MERTK: variants seen among roughly 807,000 people sequenced by gnomAD.
MERTK encodes MER proto-oncogene, tyrosine kinase.
A neutral mutation model predicts 99.3 loss-of-function variants in MERTK; 69 were observed. The ratio of observed to expected loss-of-function variants is 0.70; its 90% CI spans 0.57 to 0.85. The LOEUF is 0.85. Ranked by LOEUF, MERTK falls within the 40% of genes least tolerant of loss-of-function variation. The probability of loss-of-function intolerance (pLI) is 0.00; values close to 1 mark genes in which losing one functional copy is unlikely to be tolerated. For synonymous variants in MERTK, 426 were observed against 467.6 expected (o/e 0.91, Z 1.15); for missense variants, 1,125 against 1,249.4 (o/e 0.90, Z 1.50).
intron 6 of MERTK, 131 bp from the exon 7 acceptor site, chr2:111,975,158 G>GTT: frequency 1.2e-6 from 1 of 855,636 alleles, no homozygotes; most frequent in African/African-American, 1.6e-5. Flanking sequence ...ATGTGTGTGT[G>GTT]CCCAGAAAGG....
intron 8 of MERTK, 22 bp from the exon 9 acceptor site, chr2:111,994,229 C>T: frequency 1.2e-6 from 2 of 1,613,108 alleles, no homozygotes; most frequent in Non-Finnish European, 1.7e-6. Context: ...TTTTCATTTC[C>T]TCTCTTCCTC....
chr2:111,912,971 T>C (rs2104668355), intron 1 of MERTK: 1 of 930,424 alleles, frequency 1.1e-6, no homozygotes, highest in Non-Finnish European at 1.3e-6. Context: ...AGGATCCTCA[T>C]CTATGAACTG....
At chr2:111,968,357 T>C in intron 6 of MERTK, 105 bp downstream of exon 6, 1 of 879,314 alleles carries the variant, frequency 1.1e-6, no homozygotes, top group South Asian at 1.4e-5. Context: ...TCTCCATCTC[T>C]GTACAGAGTC....
At chr2:111,981,509 G>T (rs553401696) in intron 7 of MERTK, among the ~76,000 whole-genome samples, 63 of 152,102 alleles carry the variant, frequency 4.1e-4, no homozygotes, top group Admixed American at 7.2e-4. Context: ...CCATCTCCCA[G>T]ATTATATCAT....
At chr2:111,916,902 G>T (rs1050742576) in intron 1 of MERTK, among the ~76,000 whole-genome samples, 4 of 152,136 alleles carry the variant, frequency 2.6e-5, no homozygotes, top group African/African-American at 9.7e-5. Flanking sequence ...TCCTCACTCA[G>T]CCTCCATTGA....
At chr2:111,940,048 A>G (rs113088799) in intron 2 of MERTK, among the ~76,000 whole-genome samples, 2 of 151,438 alleles carry the variant, frequency 1.3e-5, no homozygotes, top group Admixed American at 6.6e-5. Flanking sequence ...AGGATCCTCT[A>G]TGCCTCCTGT....
chr2:111,972,245 G>GACATTTATATAC (rs1676137823), intron 6 of MERTK, among the ~76,000 whole-genome samples: 1 of 152,198 alleles, frequency 6.6e-6, no homozygotes, highest in African/African-American at 2.4e-5. Flanking sequence ...CACCCAGGCT[G>GACATTTATATAC]AGGTAGACAT....
intron 7 of MERTK, among the ~76,000 whole-genome samples, chr2:111,975,939 C>T (rs1448683405): frequency 6.6e-6 from 1 of 152,150 alleles, no homozygotes; most frequent in Non-Finnish European, 1.5e-5. Context: ...ATCCCCAGGC[C>T]TCCCCTCCCT....
chr2:112,027,776 C>G lies in MERTK; in HGVS notation c.2487-575C>G, dbSNP rs1677499490. 2.0e-5 allele frequency among the ~76,000 whole-genome samples: 3 copies of G among 152,342 alleles called. No individual in the cohort carries two copies. In the South Asian group the frequency reaches 6.2e-4, roughly 32 times the overall value. The stretch of plus-strand genomic sequence containing the variant: ...ACACAACTACCCCCTGCCCTCACCC[C>G]TGCTCCTGATCTTCTTAGCCCTAGC... On this transcript the variant is annotated intron_variant, in intron 18 of 18. Transcript: ENST00000295408.
At chr2:111,944,534 G>GGAATTATT (rs1573589856) in intron 2 of MERTK, among the ~76,000 whole-genome samples, 1 of 23,604 alleles carries the variant, frequency 4.2e-5, no homozygotes, top group African/African-American at 1.6e-4. Context: ...TAAGGAATTA[G>GGAATTATT]CTCACACACA....
intron 8 of MERTK, among the ~76,000 whole-genome samples, chr2:111,993,130 T>C (rs1440839757): frequency 1.1e-5 from 1 of 92,164 alleles, no homozygotes. Flanking sequence ...CCTTCTGTGT[T>C]GACTATTGTG....
intron 1 of MERTK, among the ~76,000 whole-genome samples, chr2:111,922,567 C>T (rs1366150153): frequency 6.6e-6 from 1 of 152,192 alleles, no homozygotes; most frequent in Non-Finnish European, 1.5e-5. Context: ...TTAGAAATTC[C>T]TACTTTAGGT....
At chr2:111,991,605 A>C (rs1676617873) in intron 8 of MERTK, among the ~76,000 whole-genome samples, 1 of 152,156 alleles carries the variant, frequency 6.6e-6, no homozygotes, top group South Asian at 2.1e-4. Flanking sequence ...TTAATTAACA[A>C]AAAAAAGTCT....
At chr2:112,003,240 T>C in intron 12 of MERTK, 53 bp downstream of exon 12, 1 of 850,176 alleles carries the variant, frequency 1.2e-6, no homozygotes, top group East Asian at 2.5e-5. Flanking sequence ...GGTAGCAGTT[T>C]AGAATAATTC....
At chr2:111,976,276 A>C (rs1405301920) in intron 7 of MERTK, among the ~76,000 whole-genome samples, 3 of 152,284 alleles carry the variant, frequency 2.0e-5, no homozygotes, top group East Asian at 1.9e-4. Flanking sequence ...TGGAAGCTTC[A>C]TGATGTCAGC....
chr2:112,001,758 T>A (rs1676875813), intron 11 of MERTK, among the ~76,000 whole-genome samples: 1 of 152,152 alleles, frequency 6.6e-6, no homozygotes, highest in African/African-American at 2.4e-5. Flanking sequence ...GACACTAGTG[T>A]TCCTGAATAA....
intron 2 of MERTK, among the ~76,000 whole-genome samples, chr2:111,933,484 T>C (rs555837825): frequency 5.3e-4 from 81 of 152,316 alleles, no homozygotes; most frequent in African/African-American, 1.9e-3. Context: ...TAGATGTATA[T>C]TGGCAGAGGT....
intron 2 of MERTK, among the ~76,000 whole-genome samples, chr2:111,944,677 T>TTA (rs1242101200): frequency 6.6e-6 from 1 of 152,152 alleles, no homozygotes; most frequent in Non-Finnish European, 1.5e-5. Flanking sequence ...TGTCTTTTTC[T>TTA]TATAAGGCCT....
intron 6 of MERTK, among the ~76,000 whole-genome samples, chr2:111,970,743 T>C (rs1573609925): frequency 6.6e-5 from 6 of 91,358 alleles, no homozygotes; most frequent in East Asian, 3.9e-4. Context: ...CCCCTACTCC[T>C]CCCTCCTCCC....
Sources: gnomAD v4.1 joint callset for allele counts (sites outside exome capture counted in the v4.1 genomes callset) on GRCh38, gnomAD v4.1.1 for gene constraint, MANE v1.5 for transcripts, NCBI Gene and HGNC (gene_info 2026-07-23, HGNC 2026-07-21) for gene names.